Variants in LINGO2 observed in about 807,000 individuals in gnomAD.
The protein encoded by LINGO2 is leucine-rich repeat and immunoglobulin-like domain-containing nogo receptor-interacting protein 2.
A neutral mutation model predicts 30.6 loss-of-function variants in LINGO2; 14 were observed. The ratio of observed to expected loss-of-function variants is 0.46; its 90% CI spans 0.30 to 0.72. The LOEUF (loss-of-function observed/expected upper bound fraction) is 0.72, where lower values mean the gene tolerates loss of function less well. Among genes scored for constraint, LINGO2 ranks in the 30% least tolerant of loss-of-function variants. The pLI, the probability that LINGO2 is intolerant of heterozygous loss-of-function variation, is 0.07. For missense variants in LINGO2, 729 were observed against 751.7 expected (o/e 0.97, Z 0.35); for synonymous variants, 317 against 288.5 (o/e 1.10, Z -1.00).
At chr9:29,054,874 T>C in the LINGO2 span, among the ~76,000 whole-genome samples, 26 of 152,158 alleles carry the variant, frequency 1.7e-4, no homozygotes, top group Non-Finnish European at 3.5e-4. Flanking sequence ...ATATTTTTCT[T>C]GGATATATTG....
At chr9:28,289,779 T>C (rs1298175654) in intron 4 of LINGO2, among the ~76,000 whole-genome samples, 1 of 152,208 alleles carries the variant, frequency 6.6e-6, no homozygotes, top group Non-Finnish European at 1.5e-5. Context: ...CACTGAAGCA[T>C]CTTCTCTCTC....
intron 4 of LINGO2, among the ~76,000 whole-genome samples, chr9:28,294,904 G>C (rs1823868694): frequency 6.6e-6 from 1 of 152,108 alleles, no homozygotes; most frequent in South Asian, 2.1e-4. Flanking sequence ...AAGTACAACT[G>C]TTTATGCCAT....
chr9:28,107,599 C>T (rs553948080), intron 4 of LINGO2, among the ~76,000 whole-genome samples: 8 of 152,130 alleles, frequency 5.3e-5, no homozygotes, highest in Non-Finnish European at 1.2e-4. Context: ...AATAGTTGTA[C>T]ATTTACCTCT....
the LINGO2 span, among the ~76,000 whole-genome samples, chr9:29,019,973 A>G: frequency 6.6e-6 from 1 of 152,162 alleles, no homozygotes; most frequent in Non-Finnish European, 1.5e-5. Context: ...AGAATTTGCA[A>G]TTTCAGCAAC....
chr9:28,247,225 T>C (rs1822034913), intron 4 of LINGO2, among the ~76,000 whole-genome samples: 5 of 152,198 alleles, frequency 3.3e-5, no homozygotes, highest in African/African-American at 7.2e-5. Context: ...AGAAATGCCA[T>C]TGGATCCAGC....
intron 4 of LINGO2, among the ~76,000 whole-genome samples, chr9:28,020,863 G>T (rs1191049109): frequency 6.6e-6 from 1 of 152,010 alleles, no homozygotes; most frequent in Non-Finnish European, 1.5e-5. Flanking sequence ...AACCTCCTTG[G>T]AATCTATAGT....
At chr9:28,376,835 T>A (rs566083953) in intron 2 of LINGO2, among the ~76,000 whole-genome samples, 1 of 152,254 alleles carries the variant, frequency 6.6e-6, no homozygotes, top group South Asian at 2.1e-4. Context: ...GAAATCCATA[T>A]CCTTTCCATT....
At chr9:29,135,973 A>C in the LINGO2 span, among the ~76,000 whole-genome samples, 6 of 152,186 alleles carry the variant, frequency 3.9e-5, no homozygotes, top group Admixed American at 3.9e-4. Context: ...TATAAGGCTT[A>C]GACATCTAAC....
In LINGO2 at chr9:28,596,085, C is replaced by T. The variant is rs1825162173; in HGVS notation, c.-365+74115G>A. Among the ~76,000 whole-genome samples the T allele has an allele frequency of 2.0e-5, 3 of 152,064 alleles. No individual in the cohort carries two copies. In the South Asian group the frequency reaches 6.2e-4, roughly 31 times the overall value. On this transcript the variant is annotated intron_variant, in intron 1 of 5. Coordinates refer to ENST00000379992, the Ensembl canonical transcript of LINGO2. Reference sequence around the variant, plus strand: ...AGGCTAATGGAACTTTTTACTGTAACTTTTGGTAAGGTCCTAATGATAGCA... The same window carrying T: ...AGGCTAATGGAACTTTTTACTGTAATTTTTGGTAAGGTCCTAATGATAGCA...
intron 1 of LINGO2, among the ~76,000 whole-genome samples, chr9:28,575,391 C>T (rs1257617545): frequency 3.9e-5 from 4 of 102,392 alleles, no homozygotes; most frequent in East Asian, 2.6e-4. Flanking sequence ...AGACAGACTC[C>T]GTCTCAAAAA....
At chr9:28,034,153 G>T (rs1823817808) in intron 4 of LINGO2, among the ~76,000 whole-genome samples, 1 of 152,096 alleles carries the variant, frequency 6.6e-6, no homozygotes, top group Non-Finnish European at 1.5e-5. Context: ...GTTTCCTGGG[G>T]CCAGGGCTTG....
the LINGO2 span, among the ~76,000 whole-genome samples, chr9:28,810,182 T>C: frequency 6.6e-6 from 1 of 152,170 alleles, no homozygotes; most frequent in Non-Finnish European, 1.5e-5. Context: ...ATCCAGTGTA[T>C]AGAACTATTT....
chr9:28,868,884 A>G, the LINGO2 span, among the ~76,000 whole-genome samples: 2 of 151,964 alleles, frequency 1.3e-5, no homozygotes, highest in Non-Finnish European at 2.9e-5. Context: ...TAAGCCCCCA[A>G]CTCACAACAT....
chr9:28,160,694 A>T (rs1439108276), intron 4 of LINGO2, among the ~76,000 whole-genome samples: 1 of 152,118 alleles, frequency 6.6e-6, no homozygotes, highest in Non-Finnish European at 1.5e-5. Flanking sequence ...AAGAACAGTA[A>T]TTTTTTCCCT....
At chr9:28,127,399 T>A (rs1047977859) in intron 4 of LINGO2, among the ~76,000 whole-genome samples, 4 of 152,160 alleles carry the variant, frequency 2.6e-5, no homozygotes, top group Admixed American at 1.3e-4. Flanking sequence ...CAAGATGCCC[T>A]CCCAATACTG....
the LINGO2 span, among the ~76,000 whole-genome samples, chr9:28,691,534 G>C: frequency 6.6e-6 from 1 of 151,882 alleles, no homozygotes; most frequent in Non-Finnish European, 1.5e-5. Flanking sequence ...ATCACTGGTA[G>C]AATGTTTTGT....
the LINGO2 span, among the ~76,000 whole-genome samples, chr9:28,799,034 G>C: frequency 6.6e-6 from 1 of 151,300 alleles, no homozygotes; most frequent in East Asian, 1.9e-4. Context: ...TTGGTAATCA[G>C]AAAGTTTGTG....
intron 5 of LINGO2, among the ~76,000 whole-genome samples, chr9:27,958,493 A>G (rs1373996225): frequency 6.6e-6 from 1 of 152,132 alleles, no homozygotes; most frequent in Non-Finnish European, 1.5e-5. Context: ...GTTTATTACT[A>G]ATGGTCAACT....
At chr9:28,797,351 T>TAGAG in the LINGO2 span, among the ~76,000 whole-genome samples, 470 of 62,328 alleles carry the variant, frequency 7.5e-3, 3 homozygotes, top group Non-Finnish European at 9.7e-3. Flanking sequence ...TATATATATA[T>TAGAG]ATATATATAG....
Sources: gnomAD v4.1 joint callset for allele counts (sites outside exome capture counted in the v4.1 genomes callset) on GRCh38, gnomAD v4.1.1 for gene constraint, MANE v1.5 for transcripts, NCBI Gene and HGNC (gene_info 2026-07-23, HGNC 2026-07-21) for gene names.